Variants in NBAS observed in about 807,000 individuals in gnomAD.
NBAS encodes NAG/BC035112 fusion.
In NBAS, 219 loss-of-function variants were observed where a neutral mutation model predicts 302.5. The ratio of observed to expected loss-of-function variants is 0.72; its 90% confidence interval spans 0.65 to 0.81. The LOEUF is 0.81. Ranked by LOEUF, NBAS falls within the 30% of genes least tolerant of loss-of-function variation. The pLI is 0.00. For missense variants in NBAS, 2,932 were observed against 2,841.6 expected, an observed-to-expected ratio of 1.03 and a Z score of -0.72; for synonymous variants, 1,118 against 1,021.6, an observed-to-expected ratio of 1.09 and a Z score of -1.80.
Position 15,276,931 on chromosome 2 carries a change from C to T in NBAS, c.5309G>A (p.Gly1770Asp), listed in dbSNP as rs1171636755. ...GGCACAGTTCCCCAAATCTGCACAG[C>T]CACAGTTTTCCAGAAGAGTGAAATA... is the stretch of plus-strand genomic sequence containing the variant. Reference protein sequence around the residue: ...QYYFTLLENCGCADLGNCAIK... With the variant: ...QYYFTLLENCDCADLGNCAIK... The change falls in exon 43 of 52, where the codon GGC becomes GAC. Residue 1770 changes from glycine to aspartate, a missense_variant. Gly to Asp is a moderately conservative substitution (Grantham distance 94). Transcript: ENST00000281513. 14 of 1,614,066 alleles carry T rather than the reference C, an allele frequency of 8.7e-6. No individual in the cohort carries two copies. The Admixed American group carries it at 2.3e-4, about 27-fold the overall frequency.
chr2:15,280,941 T>C (rs1033885463), intron 42 of NBAS, among the ~76,000 whole-genome samples: 1 of 152,224 alleles, frequency 6.6e-6, no homozygotes, highest in African/African-American at 2.4e-5. Context: ...GACAGCTGAA[T>C]ACGTGATTTC....
At chr2:15,206,075 A>C (rs1352073850) in intron 48 of NBAS, among the ~76,000 whole-genome samples, 2 of 152,196 alleles carry the variant, frequency 1.3e-5, no homozygotes, top group African/African-American at 4.8e-5. Flanking sequence ...AGATGTGGGA[A>C]GTATGAAACT....
intron 11 of NBAS, among the ~76,000 whole-genome samples, chr2:15,502,635 A>T (rs1419989713): frequency 6.6e-6 from 1 of 152,234 alleles, no homozygotes; most frequent in African/African-American, 2.4e-5. Flanking sequence ...AACAAATGGA[A>T]CATGTGTATA....
chr2:14,791,935 G>A, the NBAS span, among the ~76,000 whole-genome samples: 1 of 152,076 alleles, frequency 6.6e-6, no homozygotes, highest in Admixed American at 6.6e-5. Context: ...GTTTCCATGG[G>A]CTCAAGACTC....
At chr2:15,105,432 T>G in the NBAS span, among the ~76,000 whole-genome samples, 1 of 151,414 alleles carries the variant, frequency 6.6e-6, no homozygotes, top group Non-Finnish European at 1.5e-5. Context: ...TGATAATTAT[T>G]ACGAATAAAA....
At chr2:14,934,681 A>G in the NBAS span, among the ~76,000 whole-genome samples, 1 of 152,156 alleles carries the variant, frequency 6.6e-6, no homozygotes, top group Non-Finnish European at 1.5e-5. Context: ...TTTCTTTTTT[A>G]GTCTGCTAAA....
chr2:15,532,926 T>A (rs1172401206), intron 9 of NBAS, among the ~76,000 whole-genome samples: 1 of 152,032 alleles, frequency 6.6e-6, no homozygotes, highest in Non-Finnish European at 1.5e-5. Context: ...TATATAAAAA[T>A]GTCAACAACA....
the NBAS span, among the ~76,000 whole-genome samples, chr2:14,901,458 G>A: frequency 6.6e-6 from 1 of 151,930 alleles, no homozygotes; most frequent in Non-Finnish European, 1.5e-5. Flanking sequence ...AAAATCGGAA[G>A]GGTAATTTTT....
At chr2:15,047,783 C>T in the NBAS span, among the ~76,000 whole-genome samples, 1 of 152,246 alleles carries the variant, frequency 6.6e-6, no homozygotes, top group Non-Finnish European at 1.5e-5. Flanking sequence ...CGAACATGTG[C>T]TCTGCAAGCA....
At chr2:15,431,786 A>G (rs973169921) in intron 21 of NBAS, among the ~76,000 whole-genome samples, 1 of 152,184 alleles carries the variant, frequency 6.6e-6, no homozygotes, top group Non-Finnish European at 1.5e-5. Context: ...CTACACTAGT[A>G]GTAATGGTAT....
intron 48 of NBAS, among the ~76,000 whole-genome samples, chr2:15,196,145 T>C (rs1353654660): frequency 6.6e-6 from 1 of 152,236 alleles, no homozygotes; most frequent in Non-Finnish European, 1.5e-5. Flanking sequence ...TCGGGCTCTC[T>C]CTGCCTTACA....
At chr2:15,458,814 C>G (rs1481304715) in intron 21 of NBAS, among the ~76,000 whole-genome samples, 3 of 152,232 alleles carry the variant, frequency 2.0e-5, no homozygotes, top group Admixed American at 2.0e-4. Flanking sequence ...GTGTGAAAGA[C>G]TTTCTTGAGA....
At chr2:15,275,344 G>T in intron 44 of NBAS, 140 bp downstream of exon 44, 1 of 1,000,528 alleles carries the variant, frequency 1.0e-6, no homozygotes, top group Non-Finnish European at 1.4e-6. Flanking sequence ...CTCATTCACA[G>T]CAAATGAACA....
At chr2:15,030,362 A>G in the NBAS span, among the ~76,000 whole-genome samples, 2 of 152,322 alleles carry the variant, frequency 1.3e-5, no homozygotes, top group Admixed American at 1.3e-4. Flanking sequence ...GGTCACAGTA[A>G]TGTATGGTTA....
At chr2:14,848,509 CG>C in the NBAS span, among the ~76,000 whole-genome samples, 1 of 144,260 alleles carries the variant, frequency 6.9e-6, no homozygotes, top group Non-Finnish European at 1.5e-5. Context: ...GAGGGGCGCC[CG>C]CCATTGCCCA....
chr2:15,238,634 T>C lies in NBAS; in HGVS notation c.5777A>G (p.Lys1926Arg), dbSNP rs374617079. The change falls in exon 45 of 52, where the codon AAA becomes AGA. Residue 1926 changes from lysine (K) to arginine (R), a missense_variant. Lys to Arg is a conservative substitution (Grantham distance 26, BLOSUM62 2). Transcript: ENST00000281513. ...EMTRKAIKTV[K>R]HFIEKPRKRN... ...TTTCCTTGGCTTCTCAATAAAATGT[T>C]TGACTGTCTTAATAGCCTTTCTAGT... is the stretch of plus-strand genomic sequence containing the variant. The C allele has an allele frequency of 1.1e-5, 17 of 1,613,450 alleles. No homozygotes were observed. The East Asian group carries it at 2.0e-4, about 19-fold the overall frequency.
At chr2:15,390,163 G>T (rs946551027) in intron 28 of NBAS, among the ~76,000 whole-genome samples, 19 of 152,186 alleles carry the variant, frequency 1.2e-4, no homozygotes, top group Non-Finnish European at 2.4e-4. Context: ...CACACATGCT[G>T]GAAAACCTCA....
chr2:15,147,412 G>A, the NBAS span, among the ~76,000 whole-genome samples: 7 of 151,956 alleles, frequency 4.6e-5, 1 homozygote, highest in Non-Finnish European at 1.0e-4. Flanking sequence ...TGACCAACAT[G>A]GAGAAACCCC....
chr2:14,883,098 G>C, the NBAS span, among the ~76,000 whole-genome samples: 1 of 152,146 alleles, frequency 6.6e-6, no homozygotes, highest in South Asian at 2.1e-4. Context: ...TTAAGCATTT[G>C]CTTAATTTCA....
Sources: gnomAD v4.1 joint callset for allele counts (sites outside exome capture counted in the v4.1 genomes callset) on GRCh38, gnomAD v4.1.1 for gene constraint, MANE v1.5 for transcripts, NCBI Gene and HGNC (gene_info 2026-07-23, HGNC 2026-07-21) for gene names.